The following GLYAT variants were observed in gnomAD, a reference collection of about 807,000 sequenced individuals.
GLYAT encodes glycine N-acyltransferase.
A neutral mutation model predicts 22.8 loss-of-function variants in GLYAT; 25 were observed. The ratio of observed to expected loss-of-function variants is 1.09; its 90% confidence interval spans 0.80 to 1.53. The LOEUF (loss-of-function observed/expected upper bound fraction) is 1.53. GLYAT is among the 40% of genes most tolerant of loss of function. The pLI, the probability that GLYAT is intolerant of heterozygous loss-of-function variation, is 0.00. For missense variants in GLYAT, 411 were observed against 353.9 expected, an observed-to-expected ratio of 1.16 and a Z score of -1.29; for synonymous variants, 140 against 122.7, an observed-to-expected ratio of 1.14 and a Z score of -0.93.
intron 2 of GLYAT, among the ~76,000 whole-genome samples, chr11:58,720,807 A>G (rs943677573): frequency 6.6e-6 from 1 of 152,078 alleles, no homozygotes; most frequent in Non-Finnish European, 1.5e-5. Context: ...AACTTATAGT[A>G]TTTGGCAGGG....
Position 58,712,772 on chromosome 11 carries a change from A to G in GLYAT, c.304T>C (p.Leu102=), listed in dbSNP as rs983252473. Residue 102 remains leucine, a synonymous_variant, in exon 4 of 6, where the codon TTA becomes CTA. Coordinates refer to ENST00000344743, the MANE Select transcript of GLYAT (RefSeq NM_201648.3). The part of the protein sequence containing the change: ...SPELINWKQH[L]QIQSSQPSLN... Reference sequence around the variant, plus strand: ...TCCTCTTACTTACTTTGAATCTGTAAATGCTGTTTCCAGTTGATGAGTTCT... The same window carrying G: ...TCCTCTTACTTACTTTGAATCTGTAGATGCTGTTTCCAGTTGATGAGTTCT... 2 of 1,613,190 alleles carry G rather than the reference A, an allele frequency of 1.2e-6. No homozygotes were observed. Among genetic ancestry groups the G allele is most frequent in the African/African-American group, 2.7e-5 (2 of 74,970 alleles).
chr11:58,712,058 C>T (rs973703439), intron 4 of GLYAT, among the ~76,000 whole-genome samples: 1 of 152,158 alleles, frequency 6.6e-6, no homozygotes, highest in African/African-American at 2.4e-5. Context: ...CATGGTCCAC[C>T]CATCAACTAC....
Position 58,710,680 on chromosome 11 carries a change from A to T in GLYAT, c.398T>A (p.Leu133His), listed in dbSNP as rs775854082. ...CTTGGCTGTTTCAGCTGCCATATAG[A>T]GAATGCGTTGTGTTTGTTTGACTTT... The part of the protein sequence containing the change: ...SFKVKQTQRI[L>H]YMAAETAKEL... Residue 133 changes from leucine to histidine, a missense_variant, in exon 5 of 6, where the codon CTC (leucine) becomes CAC (histidine). Coordinates refer to ENST00000344743, the MANE Select transcript of GLYAT (RefSeq NM_201648.3). The T allele has an allele frequency of 2.5e-6, 4 of 1,613,242 alleles. No homozygotes were observed. The highest frequency in any genetic ancestry group is 3.4e-6 in the Non-Finnish European group (4 of 1,179,246).
At chr11:58,712,058 C>G (rs973703439) in intron 4 of GLYAT, among the ~76,000 whole-genome samples, 1 of 152,158 alleles carries the variant, frequency 6.6e-6, no homozygotes, top group African/African-American at 2.4e-5. Flanking sequence ...CATGGTCCAC[C>G]CATCAACTAC....
intron 4 of GLYAT, 58 bp downstream of exon 4, chr11:58,712,702 T>C: frequency 2.0e-6 from 3 of 1,517,796 alleles, no homozygotes; most frequent in East Asian, 2.3e-5. Context: ...ATAAGTCATA[T>C]GAAAACTTGC....
chr11:58,729,794 T>C (rs1856852644), intron 1 of GLYAT, among the ~76,000 whole-genome samples: 1 of 152,218 alleles, frequency 6.6e-6, no homozygotes, highest in Non-Finnish European at 1.5e-5. Context: ...CTAAGGGTCT[T>C]AGGATGATAA....
chr11:58,728,909 G>GGAAGGAAA (rs1856842077), intron 1 of GLYAT, among the ~76,000 whole-genome samples: 2 of 111,170 alleles, frequency 1.8e-5, no homozygotes, highest in African/African-American at 6.4e-5. Flanking sequence ...AAGGAAGGAA[G>GGAAGGAAA]GAAGGAAGGA....
chr11:58,722,364 A>T (rs747660930), intron 2 of GLYAT, among the ~76,000 whole-genome samples: 3 of 152,036 alleles, frequency 2.0e-5, no homozygotes, highest in Non-Finnish European at 4.4e-5. Context: ...GGAAGTTCTG[A>T]TGCCATGTGC....
intron 3 of GLYAT, among the ~76,000 whole-genome samples, chr11:58,714,560 A>C (rs1417455761): frequency 6.6e-6 from 1 of 152,164 alleles, no homozygotes. Flanking sequence ...CTTGAATTAT[A>C]GTTCTCATAA....
At chr11:58,711,115 T>G (rs564668057) in intron 4 of GLYAT, among the ~76,000 whole-genome samples, 2 of 152,240 alleles carry the variant, frequency 1.3e-5, no homozygotes, top group African/African-American at 4.8e-5. Context: ...ATACTTATAC[T>G]GGTCCAAGCA....
chr11:58,712,913 A>C, intron 3 of GLYAT, 27 bp from the exon 4 acceptor site: 1 of 1,470,798 alleles, frequency 6.8e-7, no homozygotes, highest in Non-Finnish European at 9.4e-7. Context: ...AAAGGAAATA[A>C]AACACATCCT....
chr11:58,709,672 C>G lies in GLYAT; in HGVS notation c.*94G>C, dbSNP rs1053570240. 4.4e-6 allele frequency: 6 copies of G among 1,349,434 alleles called. No individual in the cohort carries two copies. The highest frequency in any genetic ancestry group is 5.1e-6 in the Non-Finnish European group (5 of 979,266). The allele number at this position is 1,349,434 out of a possible 1,614,324, so 83.6% of individuals were successfully genotyped here. ...CCAAACAGTGCCCACTCCTTTACTG[C>G]TGATTACAATTTATTATTTCTTTTC... On this transcript the variant is annotated 3_prime_UTR_variant, in exon 6 of 6. Transcript: ENST00000344743.
chr11:58,712,470 G>T (rs1192254390), intron 4 of GLYAT, among the ~76,000 whole-genome samples: 1 of 152,074 alleles, frequency 6.6e-6, no homozygotes, highest in Non-Finnish European at 1.5e-5. Flanking sequence ...CAGAGGGAAG[G>T]CTCTTCTTCA....
rs765984704 is a variant in GLYAT at position 58,709,937 on chromosome 11, A to T, written c.720T>A (p.His240Gln). The T allele has an allele frequency of 6.2e-7, 1 of 1,614,090 alleles. No homozygotes were observed. The highest frequency in any genetic ancestry group is 1.1e-5 in the South Asian group (1 of 91,088). Residue 240 changes from histidine (H) to glutamine (Q), a missense_variant, in exon 6 of 6, where the codon CAT becomes CAA. By Grantham distance (24) the His-to-Gln change is conservative. Transcript: ENST00000344743. Reference protein sequence around the residue: ...MAGTLPEYRLHGLVTYVIYSH... With the variant: ...MAGTLPEYRLQGLVTYVIYSH... ...AATAGATGACATACGTCACAAGGCC[A>T]TGGAGCCGGTATTCCGGCAAGGTGC...
chr11:58,717,523 A>C (rs1472328752), intron 2 of GLYAT, among the ~76,000 whole-genome samples: 1 of 152,036 alleles, frequency 6.6e-6, no homozygotes, highest in African/African-American at 2.4e-5. Context: ...AGCACAGCTT[A>C]GTTTTCAGTT....
intron 1 of GLYAT, among the ~76,000 whole-genome samples, chr11:58,724,934 A>C (rs1467412411): frequency 6.6e-6 from 1 of 152,096 alleles, no homozygotes; most frequent in African/African-American, 2.4e-5. Flanking sequence ...TGTAAGGATT[A>C]AAGGAATGAA....
intron 3 of GLYAT, among the ~76,000 whole-genome samples, chr11:58,713,416 C>A (rs368339255): frequency 6.6e-6 from 1 of 152,068 alleles, no homozygotes; most frequent in Non-Finnish European, 1.5e-5. Flanking sequence ...TCATCCTCAA[C>A]AGGAAGAAGA....
At chr11:58,710,849 G>A (rs767117566) in intron 4 of GLYAT, 88 bp from the exon 5 acceptor site, 1 of 805,032 alleles carries the variant, frequency 1.2e-6, no homozygotes, top group South Asian at 1.6e-5. Context: ...CTGGGATTTA[G>A]TATCATAAAA....
intron 1 of GLYAT, among the ~76,000 whole-genome samples, chr11:58,726,704 G>T (rs1565060038): frequency 6.6e-6 from 1 of 152,136 alleles, no homozygotes; most frequent in Non-Finnish European, 1.5e-5. Flanking sequence ...ACTGCCATAA[G>T]GGGGCTGGAC....
Sources: gnomAD v4.1 joint callset for allele counts (sites outside exome capture counted in the v4.1 genomes callset) on GRCh38, gnomAD v4.1.1 for gene constraint, MANE v1.5 for transcripts, NCBI Gene and HGNC (gene_info 2026-07-23, HGNC 2026-07-21) for gene names.